PARD3B: variants seen among roughly 807,000 people sequenced by gnomAD.
PARD3B encodes par-3 family cell polarity regulator beta.
Under a neutral mutation model 130.2 loss-of-function variants are expected in PARD3B, and 103 were observed. The observed-to-expected ratio is 0.79, with a 90% CI of 0.67 to 0.93. The LOEUF is 0.93. Ranked by LOEUF, PARD3B falls within the 40% of genes least tolerant of loss-of-function variation. The pLI, the probability that PARD3B is intolerant of heterozygous loss-of-function variation, is 0.00. For synonymous variants in PARD3B, 583 were observed against 553.2 expected, an observed-to-expected ratio of 1.05 and a Z score of -0.76; for missense variants, 1,609 against 1,499.2, an observed-to-expected ratio of 1.07 and a Z score of -1.21.
rs1160124150 is a variant in PARD3B, at chr2:205,553,309, C to G, written c.3181-15C>G. 3.1e-6 allele frequency: 5 copies of G among 1,611,194 alleles called. No individual in the cohort carries two copies. The highest frequency in any genetic ancestry group is 3.4e-6 in the Non-Finnish European group (4 of 1,177,556). ...TATAATGGATCTTCATCTCTAATTG[C>G]TTTTCTCTCCACAGGTGCCTGGAAG... On this transcript the variant is annotated splice_polypyrimidine_tract_variant and intron_variant, in intron 21 of 22. Coordinates refer to ENST00000406610, the MANE Select transcript of PARD3B (RefSeq NM_001302769.2).
rs1174269851 is a variant in PARD3B, at chr2:205,124,347, A to G, written c.1186A>G (p.Thr396Ala). The change falls in exon 9 of 23, where the codon ACT becomes GCT. Residue 396 changes from threonine to alanine, a missense_variant. Transcript: ENST00000406610. ...ACTAGGCCCTGAAGGACTTGGTTTCACTGTGGTTACCAGAGACTCTTCCAT... is the reference window on the plus strand; with the variant it reads ...ACTAGGCCCTGAAGGACTTGGTTTCGCTGTGGTTACCAGAGACTCTTCCAT... Reference protein sequence around the residue: ...LKKGPEGLGFTVVTRDSSIHG... With the variant: ...LKKGPEGLGFAVVTRDSSIHG... 1.9e-6 allele frequency: 3 copies of G among 1,582,656 alleles called. No individual in the cohort carries two copies. In the South Asian group the frequency reaches 3.6e-5, roughly 19 times the overall value.
intron 10 of PARD3B, among the ~76,000 whole-genome samples, chr2:205,126,694 C>A (rs2031448013): frequency 7.7e-6 from 1 of 129,344 alleles, no homozygotes; most frequent in Admixed American, 9.9e-5. Context: ...TGCAGTGAGC[C>A]GAGATTGCGC....
chr2:204,737,751 A>G (rs2039821615), intron 2 of PARD3B, among the ~76,000 whole-genome samples: 1 of 152,144 alleles, frequency 6.6e-6, no homozygotes, highest in African/African-American at 2.4e-5. Context: ...TGATTTTTGT[A>G]TGAAGTGAGA....
intron 1 of PARD3B, among the ~76,000 whole-genome samples, chr2:204,583,936 T>C (rs575604549): frequency 2.6e-5 from 4 of 152,354 alleles, no homozygotes; most frequent in Non-Finnish European, 4.4e-5. Context: ...CTGCTGCCAG[T>C]GAGGGCCTGC....
intron 4 of PARD3B, among the ~76,000 whole-genome samples, chr2:205,061,094 C>T (rs996525290): frequency 6.6e-6 from 1 of 152,112 alleles, no homozygotes; most frequent in African/African-American, 2.4e-5. Flanking sequence ...TTACTGGAAG[C>T]TGGGCACCAT....
chr2:204,821,700 AAAAT>A (rs1018128784), intron 2 of PARD3B, among the ~76,000 whole-genome samples: 4 of 151,876 alleles, frequency 2.6e-5, no homozygotes, highest in African/African-American at 9.7e-5. Flanking sequence ...TAATAATAAT[AAAAT>A]AAAAAAAATT....
Position 204,887,585 on chromosome 2 carries a change from A to G in PARD3B, c.223-77567A>G, listed in dbSNP as rs541480517. ...GAAGAGATGGCAAACTAACCTATAAATTAAAAGAAGCCCAAACTGCTGTAG... is the reference window on the plus strand; with the variant it reads ...GAAGAGATGGCAAACTAACCTATAAGTTAAAAGAAGCCCAAACTGCTGTAG... On this transcript the variant is annotated intron_variant, in intron 2 of 22. Coordinates refer to ENST00000406610, the MANE Select transcript of PARD3B (RefSeq NM_001302769.2). The surrounding 1 kb of genome is among the most constrained non-coding windows in gnomAD (Gnocchi z 4.2). 2.4e-4 allele frequency among the ~76,000 whole-genome samples: 36 copies of G among 152,190 alleles called. No homozygotes were observed. The highest frequency in any genetic ancestry group is 3.5e-4 in the Non-Finnish European group (24 of 68,036).
chr2:205,403,153 A>T (rs551790774), intron 19 of PARD3B, among the ~76,000 whole-genome samples: 1 of 152,202 alleles, frequency 6.6e-6, no homozygotes, highest in Non-Finnish European at 1.5e-5. Context: ...TTTTCTCCTA[A>T]TATGTTTGAA....
At chr2:205,333,743 C>G (rs1161296382) in intron 18 of PARD3B, among the ~76,000 whole-genome samples, 1 of 152,104 alleles carries the variant, frequency 6.6e-6, no homozygotes, top group Non-Finnish European at 1.5e-5. Context: ...CCTTTCTTTT[C>G]CTCTTATCAC....
intron 3 of PARD3B, among the ~76,000 whole-genome samples, chr2:205,035,646 T>C (rs1465655653): frequency 3.3e-5 from 5 of 151,606 alleles, no homozygotes; most frequent in Admixed American, 3.3e-4. Flanking sequence ...ACAGTGGGTG[T>C]TGGGAATATT....
intron 1 of PARD3B, among the ~76,000 whole-genome samples, chr2:204,607,298 C>T (rs1017762076): frequency 1.6e-4 from 25 of 152,014 alleles, no homozygotes; most frequent in Non-Finnish European, 2.5e-4. Flanking sequence ...TGTTTTATAC[C>T]GTAATCCTTA....
chr2:205,281,792 T>C lies in PARD3B; in HGVS notation c.2186-18738T>C, dbSNP rs1197854719. Among the ~76,000 whole-genome samples, 1 of 152,116 alleles carries C rather than the reference T, an allele frequency of 6.6e-6. No homozygotes were observed. The highest frequency in any genetic ancestry group is 2.4e-5 in the African/African-American group (1 of 41,436). ...AGGTTGTCTACATTAAAAGTACCTG[T>C]TTTTCCATAAAAAAGAGGAAGAAAA... On this transcript the variant is annotated intron_variant, in intron 16 of 22. Transcript: ENST00000406610. This position sits in a 1 kb window ranked among gnomAD's most constrained non-coding sequence, Gnocchi z 4.2.
Position 205,366,854 on chromosome 2 carries a change from T to A in PARD3B, c.2631-34159T>A, listed in dbSNP as rs556817169. The stretch of plus-strand genomic sequence containing the variant: ...ACTGGTGATGCTGTACCGCCACAGG[T>A]GTCAGCAGCAATAACTGGGCCTAGC... On this transcript the variant is annotated intron_variant, in intron 18 of 22. Coordinates refer to ENST00000406610, the MANE Select transcript of PARD3B (RefSeq NM_001302769.2). This position sits in a 1 kb window ranked among gnomAD's most constrained non-coding sequence, Gnocchi z 5.0. Among the ~76,000 whole-genome samples, 4 of 152,164 alleles carry A rather than the reference T, an allele frequency of 2.6e-5. No homozygotes were observed. Among genetic ancestry groups the A allele is most frequent in the Non-Finnish European group, 5.9e-5 (4 of 68,028 alleles).
intron 21 of PARD3B, among the ~76,000 whole-genome samples, chr2:205,547,349 G>T (rs897969001): frequency 6.6e-6 from 1 of 152,068 alleles, no homozygotes; most frequent in Admixed American, 6.6e-5. Flanking sequence ...TCTCATTGCC[G>T]ATTCCAAACA....
chr2:205,278,399 C>CT (rs1219431770), intron 16 of PARD3B, among the ~76,000 whole-genome samples: 2 of 151,998 alleles, frequency 1.3e-5, no homozygotes, highest in Non-Finnish European at 2.9e-5. Flanking sequence ...GACTGATAGG[C>CT]TTGGGGGGGA....
intron 1 of PARD3B, among the ~76,000 whole-genome samples, chr2:204,549,189 C>T (rs1490555718): frequency 6.6e-6 from 1 of 152,146 alleles, no homozygotes; most frequent in African/African-American, 2.4e-5. Flanking sequence ...TAATTATGCT[C>T]TGAAGTCTGG....
At chr2:205,378,671 C>T (rs1321943086) in intron 18 of PARD3B, among the ~76,000 whole-genome samples, 2 of 144,104 alleles carry the variant, frequency 1.4e-5, no homozygotes. Context: ...TTCACTCAGT[C>T]GTCAGGCTGG....
At chr2:205,134,817 G>A (rs1021946800) in intron 10 of PARD3B, among the ~76,000 whole-genome samples, 1 of 152,186 alleles carries the variant, frequency 6.6e-6, no homozygotes, top group East Asian at 1.9e-4. Context: ...TGGAGGAAGT[G>A]CGGGGCTATT....
At chr2:205,060,903 T>G (rs931236682) in intron 4 of PARD3B, among the ~76,000 whole-genome samples, 1 of 152,152 alleles carries the variant, frequency 6.6e-6, no homozygotes, top group African/African-American at 2.4e-5. Context: ...AGAGAACCCA[T>G]GCATGGTTCT....
Sources: gnomAD v4.1 joint callset for allele counts (sites outside exome capture counted in the v4.1 genomes callset) on GRCh38, gnomAD v4.1.1 for gene constraint, Gnocchi (gnomAD v3.1) non-coding constraint, MANE v1.5 for transcripts, NCBI Gene and HGNC (gene_info 2026-07-23, HGNC 2026-07-21) for gene names.